The following SHANK2 variants were observed in gnomAD, a reference collection of about 807,000 sequenced individuals.
SHANK2 encodes the protein SH3 and multiple ankyrin repeat domains protein 2.
A neutral mutation model predicts 133.7 loss-of-function variants in SHANK2; 43 were observed. That is an observed-to-expected ratio of 0.32 (90% confidence interval 0.25 to 0.41). The LOEUF (loss-of-function observed/expected upper bound fraction) is 0.41, where lower values mean the gene tolerates loss of function less well. SHANK2 is among the 10% of genes least tolerant of loss of function. The probability of loss-of-function intolerance (pLI) is 1.00; values close to 1 mark genes in which losing one functional copy is unlikely to be tolerated. For missense variants in SHANK2, 1,994 were observed against 2,235.8 expected, an observed-to-expected ratio of 0.89 and a Z score of 2.18; for synonymous variants, 1,017 against 952.8, an observed-to-expected ratio of 1.07 and a Z score of -1.24.
At chr11:71,222,475 G>A (rs1555121364) in intron 2 of SHANK2, among the ~76,000 whole-genome samples, 2 of 152,310 alleles carry the variant, frequency 1.3e-5, no homozygotes, top group South Asian at 2.1e-4. Context: ...AGCTCCCAGA[G>A]GAGCTAAGAA....
intron 2 of SHANK2, among the ~76,000 whole-genome samples, chr11:71,166,002 G>GA (rs1483096154): frequency 6.6e-6 from 1 of 152,180 alleles, no homozygotes; most frequent in African/African-American, 2.4e-5. Flanking sequence ...ACAGACAGAC[G>GA]AATGTGAGTG....
intron 14 of SHANK2, among the ~76,000 whole-genome samples, chr11:70,699,156 C>T (rs1945466815): frequency 6.6e-6 from 1 of 151,990 alleles, no homozygotes; most frequent in Admixed American, 6.6e-5. Context: ...GCTGCTGAGC[C>T]TTCCAGCAAA....
intron 11 of SHANK2, among the ~76,000 whole-genome samples, chr11:70,879,612 C>T (rs969801670): frequency 4.6e-5 from 7 of 152,212 alleles, no homozygotes; most frequent in Non-Finnish European, 7.3e-5. Flanking sequence ...GGTGCTTTTG[C>T]ATATTAACAA....
chr11:70,565,358 G>C (rs1357900433), intron 17 of SHANK2, among the ~76,000 whole-genome samples: 1 of 152,214 alleles, frequency 6.6e-6, no homozygotes, highest in Non-Finnish European at 1.5e-5. Flanking sequence ...AATTCTTCCT[G>C]CCTCAGCCTC....
intron 1 of SHANK2, among the ~76,000 whole-genome samples, chr11:71,251,125 G>C (rs1948171090): frequency 6.6e-6 from 1 of 151,018 alleles, no homozygotes. Flanking sequence ...CACCTGCCTG[G>C]CTCGAGCGCC....
At position 70,764,033 on chromosome 11, in the gene SHANK2, T is replaced by A. The variant is rs548062734; in HGVS notation, c.1777+34410A>T. Among the ~76,000 whole-genome samples, 97 of 130,862 alleles carry A rather than the reference T, an allele frequency of 7.4e-4. 1 individual carries two copies. The highest frequency in any genetic ancestry group is 2.3e-3 in the African/African-American group (87 of 37,232). The allele number at this position is 130,862 out of a possible 152,430, so 85.9% of individuals were successfully genotyped here. A position where few individuals can be genotyped will look rare whatever the true frequency, so the allele number is the denominator to read the frequency against. On this transcript the variant is annotated intron_variant, in intron 14 of 25. Transcript: ENST00000601538. ...GCAAAGTTTTCCATTGCTCAAACTA[T>A]CTGATTATTAAGTCATCCATATACC... is the stretch of plus-strand genomic sequence containing the variant.
intron 17 of SHANK2, among the ~76,000 whole-genome samples, chr11:70,562,719 A>C (rs1278393668): frequency 6.6e-6 from 1 of 152,148 alleles, no homozygotes; most frequent in Non-Finnish European, 1.5e-5. Context: ...CTGCCCTTAA[A>C]ATAAGGGTGT....
intron 11 of SHANK2, among the ~76,000 whole-genome samples, chr11:70,833,450 G>C (rs1948760875): frequency 6.6e-6 from 1 of 152,252 alleles, no homozygotes; most frequent in South Asian, 2.1e-4. Context: ...TCTCGGGCAA[G>C]AGAGCTGGGC....
chr11:70,880,256 C>T (rs1949638580), intron 11 of SHANK2, among the ~76,000 whole-genome samples: 1 of 152,222 alleles, frequency 6.6e-6, no homozygotes, highest in Non-Finnish European at 1.5e-5. Flanking sequence ...CCAGCCATAA[C>T]TCTAAATGTG....
chr11:70,713,566 G>T (rs1051827107), intron 14 of SHANK2, among the ~76,000 whole-genome samples: 5 of 152,226 alleles, frequency 3.3e-5, no homozygotes, highest in African/African-American at 1.2e-4. Context: ...TGGCTCAGTT[G>T]CATGTTCCAC....
At chr11:71,148,619 T>G (rs193022965) in intron 2 of SHANK2, among the ~76,000 whole-genome samples, 1 of 152,158 alleles carries the variant, frequency 6.6e-6, no homozygotes, top group Non-Finnish European at 1.5e-5. Context: ...TGGAAAGGCA[T>G]AGAAGATTGT....
chr11:70,753,178 A>AC (rs1946791874), intron 14 of SHANK2, among the ~76,000 whole-genome samples: 1 of 151,932 alleles, frequency 6.6e-6, no homozygotes, highest in South Asian at 2.1e-4. Flanking sequence ...ACTGTTAAAA[A>AC]AAAAAAAACA....
chr11:71,167,573 G>A (rs1235108275), intron 2 of SHANK2, among the ~76,000 whole-genome samples: 4 of 136,470 alleles, frequency 2.9e-5, no homozygotes, highest in African/African-American at 1.1e-4. Context: ...CGGACGGGGC[G>A]GCTGGCCGGG....
chr11:70,714,753 C>T lies in SHANK2; in HGVS notation c.1778-15990G>A, dbSNP rs535463686. On this transcript the variant is annotated intron_variant, in intron 14 of 25. Transcript: ENST00000601538. ...GCCTCTGGCTACATCCTCCCTACGG[C>T]ATTTTTCTTCCTTCCTTTTTTTTTT... Among the ~76,000 whole-genome samples, 275 of 152,172 alleles carry T rather than the reference C, an allele frequency of 1.8e-3. 1 individual carries two copies. Among genetic ancestry groups the T allele is most frequent in the Non-Finnish European group, 2.4e-3 (166 of 67,982 alleles).
intron 14 of SHANK2, among the ~76,000 whole-genome samples, chr11:70,749,322 G>C (rs1171369673): frequency 1.3e-5 from 2 of 152,226 alleles, no homozygotes; most frequent in Non-Finnish European, 2.9e-5. Flanking sequence ...GTGTAGGACA[G>C]GCACAAAGGA....
At chr11:70,837,181 A>T (rs1230130684) in intron 11 of SHANK2, among the ~76,000 whole-genome samples, 1 of 152,190 alleles carries the variant, frequency 6.6e-6, no homozygotes, top group Non-Finnish European at 1.5e-5. Flanking sequence ...GGCTGCAGCT[A>T]ATGAAGACAC....
At chr11:70,518,486 A>G (rs1176441219) in intron 17 of SHANK2, among the ~76,000 whole-genome samples, 3 of 152,228 alleles carry the variant, frequency 2.0e-5, no homozygotes, top group Non-Finnish European at 4.4e-5. Context: ...TACTTGACTC[A>G]TGAGCAAGAT....
In SHANK2 at chr11:71,126,084, G is replaced by A. The variant is rs190290118; in HGVS notation, c.208-7052C>T. On this transcript the variant is annotated intron_variant, in intron 3 of 25. Coordinates refer to ENST00000601538, the MANE Select transcript of SHANK2 (RefSeq NM_012309.5). ...AATACAAAAATTAGCTGGGTGTGGT[G>A]GCAGGCACCTGTAGTCCCAGCTACT... is the stretch of plus-strand genomic sequence containing the variant. 7.4e-3 allele frequency among the ~76,000 whole-genome samples: 1,126 copies of A among 151,972 alleles called. 7 individuals are homozygous for A. Among genetic ancestry groups the A allele is most frequent in the Non-Finnish European group, 0.01 (704 of 67,932 alleles).
chr11:70,513,971 A>G (rs2059236756), intron 17 of SHANK2, among the ~76,000 whole-genome samples: 1 of 152,144 alleles, frequency 6.6e-6, no homozygotes, highest in African/African-American at 2.4e-5. Flanking sequence ...AAAAAATGGT[A>G]CCCAAGGAAT....
Sources: allele counts gnomAD v4.1 joint callset (sites outside exome capture counted in the v4.1 genomes callset), GRCh38; gene constraint gnomAD v4.1.1; transcripts MANE v1.5; gene names NCBI Gene and HGNC (gene_info 2026-07-23, HGNC 2026-07-21).